PTPRN2: variants seen among roughly 807,000 people sequenced by gnomAD.
The protein encoded by PTPRN2 is protein tyrosine phosphatase receptor type N2.
In PTPRN2, 74 loss-of-function variants were observed where a neutral mutation model predicts 118.8. That is an observed-to-expected ratio of 0.62 (90% CI 0.52 to 0.76). The LOEUF (loss-of-function observed/expected upper bound fraction) is 0.76, where lower values mean the gene tolerates loss of function less well. Among genes scored for constraint, PTPRN2 ranks in the 30% least tolerant of loss-of-function variants. PTPRN2 has a pLI of 0.00. For synonymous variants in PTPRN2, 641 were observed against 608.0 expected (o/e 1.05, Z -0.80); for missense variants, 1,481 against 1,394.4 (o/e 1.06, Z -0.99).
chr7:158,329,351 G>A (rs1803935784), intron 2 of PTPRN2, among the ~76,000 whole-genome samples: 1 of 152,172 alleles, frequency 6.6e-6, no homozygotes, highest in Non-Finnish European at 1.5e-5. Flanking sequence ...TACCTTTAAG[G>A]ATGCCTTAAA....
rs912142349 is a variant in PTPRN2, at chr7:157,794,087, G to T, written c.1788+104586C>A. 6.6e-6 allele frequency among the ~76,000 whole-genome samples: 1 copy of T among 152,170 alleles called. No homozygotes were observed. Among genetic ancestry groups the T allele is most frequent in the African/African-American group, 2.4e-5 (1 of 41,442 alleles). On this transcript the variant is annotated intron_variant, in intron 12 of 22. Transcript: ENST00000389418. The surrounding 1 kb of genome is among the most constrained non-coding windows in gnomAD (Gnocchi z 5.2). The stretch of plus-strand genomic sequence containing the variant: ...GGGCCCAGGTGGCCGGGAGGGGGCC[G>T]CCTGTGTCTCGCCCCTCATTCTCTG...
chr7:158,441,375 AGTGGTG>A (rs547877831), intron 2 of PTPRN2, among the ~76,000 whole-genome samples: 7 of 133,660 alleles, frequency 5.2e-5, no homozygotes, highest in South Asian at 2.6e-4. Flanking sequence ...CAGTGGTGGC[AGTGGTG>A]GTGGTGGTGA....
chr7:158,499,807 G>GTGTGTGTGTA (rs763360985), intron 1 of PTPRN2, among the ~76,000 whole-genome samples: 1 of 148,890 alleles, frequency 6.7e-6, no homozygotes. Flanking sequence ...GTGTGTGTGT[G>GTGTGTGTGTA]TATATATATA....
chr7:158,094,776 C>T (rs528798834), intron 10 of PTPRN2, among the ~76,000 whole-genome samples: 43 of 152,302 alleles, frequency 2.8e-4, no homozygotes, highest in African/African-American at 9.9e-4. Context: ...CCACAGCCTT[C>T]GGTGCTGTAG....
intron 1 of PTPRN2, among the ~76,000 whole-genome samples, chr7:158,582,796 C>CAAAAAA (rs1156687117): frequency 5.7e-4 from 25 of 44,236 alleles, no homozygotes; most frequent in South Asian, 3.4e-3. Flanking sequence ...GACTCCATCT[C>CAAAAAA]AAAAAAAAAA....
At chr7:158,275,839 CT>C (rs1798926008) in intron 3 of PTPRN2, among the ~76,000 whole-genome samples, 1 of 152,184 alleles carries the variant, frequency 6.6e-6, no homozygotes, top group Non-Finnish European at 1.5e-5. Context: ...AGGTGGCCTC[CT>C]CCCTCCATCA....
intron 21 of PTPRN2, among the ~76,000 whole-genome samples, chr7:157,549,837 G>A (rs1798505941): frequency 6.6e-6 from 1 of 152,222 alleles, no homozygotes; most frequent in African/African-American, 2.4e-5. Context: ...GGAGCAGGAG[G>A]CAGCTCCGAA....
intron 2 of PTPRN2, among the ~76,000 whole-genome samples, chr7:158,464,660 C>G (rs1180427733): frequency 1.3e-5 from 2 of 151,454 alleles, no homozygotes; most frequent in Non-Finnish European, 2.9e-5. Flanking sequence ...ATCATCCTTA[C>G]CATCACCATC....
rs917731259 is a variant in PTPRN2, at chr7:158,328,801, C to G, written c.164-11869G>C. Among the ~76,000 whole-genome samples, 8 of 141,944 alleles carry G rather than the reference C, an allele frequency of 5.6e-5. No homozygotes were observed. The East Asian group carries it at 1.2e-3, about 21-fold the overall frequency. The allele number at this position is 141,944 out of a possible 152,430, so 93.1% of individuals were successfully genotyped here. Reference sequence around the variant, plus strand: ...AGGAGCGGGGCCTCCATTCCCCCCCCCCCGCCACCCAGGGATCCCAGGGAG... The same window carrying G: ...AGGAGCGGGGCCTCCATTCCCCCCCGCCCGCCACCCAGGGATCCCAGGGAG... On this transcript the variant is annotated intron_variant, in intron 2 of 22. Coordinates refer to ENST00000389418, the MANE Select transcript of PTPRN2 (RefSeq NM_002847.5).
At chr7:158,224,795 CAG>C (rs1192749772) in intron 3 of PTPRN2, among the ~76,000 whole-genome samples, 2 of 152,082 alleles carry the variant, frequency 1.3e-5, no homozygotes, top group African/African-American at 4.8e-5. Flanking sequence ...ACAATGAGCG[CAG>C]AGTTGGAGAA....
At chr7:158,190,441 C>T (rs111227172) in intron 5 of PTPRN2, among the ~76,000 whole-genome samples, 1 of 152,228 alleles carries the variant, frequency 6.6e-6, no homozygotes, top group African/African-American at 2.4e-5. Flanking sequence ...TAGGCCCACA[C>T]AGAGAGACTC....
intron 10 of PTPRN2, among the ~76,000 whole-genome samples, chr7:158,097,245 G>A (rs1814700693): frequency 6.6e-6 from 1 of 152,130 alleles, no homozygotes; most frequent in African/African-American, 2.4e-5. Context: ...ACTGGGGAAG[G>A]AGGTGGAGGG....
intron 2 of PTPRN2, among the ~76,000 whole-genome samples, chr7:158,472,094 A>C (rs1192326259): frequency 6.6e-6 from 1 of 152,260 alleles, no homozygotes; most frequent in Admixed American, 6.5e-5. Context: ...TCTTCCCTGC[A>C]ACATTCATCT....
intron 2 of PTPRN2, among the ~76,000 whole-genome samples, chr7:158,435,854 C>T (rs1373015642): frequency 3.3e-5 from 5 of 152,158 alleles, no homozygotes; most frequent in Non-Finnish European, 4.4e-5. Context: ...TTCACTTAGA[C>T]GAGGCATCTA....
At chr7:158,451,675 C>T (rs796138800) in intron 2 of PTPRN2, among the ~76,000 whole-genome samples, 69 of 152,278 alleles carry the variant, frequency 4.5e-4, no homozygotes, top group African/African-American at 1.6e-3. Flanking sequence ...TTAGAACGCT[C>T]GCGGTTTTTT....
chr7:157,907,329 G>T (rs2128757677), intron 11 of PTPRN2, among the ~76,000 whole-genome samples: 1 of 152,210 alleles, frequency 6.6e-6, no homozygotes, highest in Non-Finnish European at 1.5e-5. Context: ...CCGTGTGTGG[G>T]GTGTCCCGGG....
chr7:158,232,987 A>G (rs1829267761), intron 3 of PTPRN2, among the ~76,000 whole-genome samples: 1 of 152,192 alleles, frequency 6.6e-6, no homozygotes, highest in Admixed American at 6.5e-5. Flanking sequence ...ATGGGGAAAC[A>G]CTGAAAGCCT....
At chr7:157,994,587 T>A (rs1488673088) in intron 11 of PTPRN2, among the ~76,000 whole-genome samples, 135 of 93,148 alleles carry the variant, frequency 1.4e-3, no homozygotes, top group African/African-American at 7.1e-3. Flanking sequence ...TCCTTGTTCC[T>A]AAATCAATGC....
intron 12 of PTPRN2, among the ~76,000 whole-genome samples, chr7:157,773,784 G>A (rs879539551): frequency 5.9e-5 from 9 of 152,176 alleles, no homozygotes; most frequent in African/African-American, 9.7e-5. Context: ...GCTTGTGTCC[G>A]CCTCATCCAG....
Sources: allele counts gnomAD v4.1 joint callset (sites outside exome capture counted in the v4.1 genomes callset), GRCh38; gene constraint gnomAD v4.1.1; non-coding constraint Gnocchi (gnomAD v3.1); transcripts MANE v1.5; gene names NCBI Gene and HGNC (gene_info 2026-07-23, HGNC 2026-07-21).